DOCK11: variants seen among roughly 807,000 people sequenced by gnomAD.
DOCK11 encodes the protein dedicator of cytokinesis protein 11.
A neutral mutation model predicts 169.1 loss-of-function variants in DOCK11; 70 were observed. The ratio of observed to expected loss-of-function variants is 0.41; its 90% confidence interval spans 0.34 to 0.51. The LOEUF is 0.51. DOCK11 is among the 20% of genes least tolerant of loss of function. The probability of loss-of-function intolerance (pLI) is 0.10; values close to 1 mark genes in which losing one functional copy is unlikely to be tolerated. For missense variants in DOCK11, 1,166 were observed against 1,538.8 expected (o/e 0.76, Z 4.05); for synonymous variants, 529 against 541.3 (o/e 0.98, Z 0.32).
At chrX:118,624,714 T>C in intron 32 of DOCK11, 59 bp downstream of exon 32, 1 of 803,100 alleles carries the variant, frequency 1.2e-6, no homozygotes, top group Non-Finnish European at 1.8e-6. Flanking sequence ...GCATTTGGAA[T>C]TGGGGTCATA....
In DOCK11 at chrX:118,685,830, A is replaced by G. The variant is rs1320037225; in HGVS notation, c.*23A>G. 5.0e-6 allele frequency: 6 copies of G among 1,204,621 alleles called. No homozygotes were observed. The highest frequency in any genetic ancestry group is 6.7e-6 in the Non-Finnish European group (6 of 892,064). ...TGAGGAAATGCAGATGTACGTGACA[A>G]TGAGACTGACCTTTCTCAGGAATAT... On this transcript the variant is annotated 3_prime_UTR_variant, in exon 53 of 53. Coordinates refer to ENST00000276202, the MANE Select transcript of DOCK11 (RefSeq NM_144658.4).
At chrX:118,632,062 C>T (rs1004169457) in intron 35 of DOCK11, among the ~76,000 whole-genome samples, 2 of 111,433 alleles carry the variant, frequency 1.8e-5, no homozygotes, top group Non-Finnish European at 3.8e-5. Flanking sequence ...TCAAGTGATT[C>T]TCCTGTTTCA....
chrX:118,647,070 T>C (rs934796649), intron 40 of DOCK11, among the ~76,000 whole-genome samples: 5 of 109,562 alleles, frequency 4.6e-5, no homozygotes, highest in African/African-American at 1.7e-4. Flanking sequence ...CTTTTGATAA[T>C]TAGTCACTTT....
chrX:118,662,079 G>A (rs2016228616), intron 44 of DOCK11, among the ~76,000 whole-genome samples: 1 of 112,006 alleles, frequency 8.9e-6, no homozygotes, highest in Non-Finnish European at 1.9e-5. Context: ...TAGTCCCAGG[G>A]AGATAAACAT....
At chrX:118,524,447 G>A (rs1369574334) in intron 1 of DOCK11, among the ~76,000 whole-genome samples, 1 of 111,193 alleles carries the variant, frequency 9.0e-6, no homozygotes, top group Non-Finnish European at 1.9e-5. Flanking sequence ...GAGTAAAAAG[G>A]CAACCCACAG....
chrX:118,588,637 A>G (rs1167819733), intron 18 of DOCK11, among the ~76,000 whole-genome samples, 159 bp downstream of exon 18: 1 of 112,710 alleles, frequency 8.9e-6, no homozygotes, highest in Non-Finnish European at 1.9e-5. Flanking sequence ...CATATTAACT[A>G]TAAGGCTTAG....
intron 19 of DOCK11, among the ~76,000 whole-genome samples, chrX:118,591,809 A>T (rs5910386): frequency 8.3e-4 from 24 of 29,013 alleles, no homozygotes; most frequent in Non-Finnish European, 1.1e-3. Context: ...CAGTCCCCAG[A>T]GTGTGATGTT....
At chrX:118,556,217 G>C (rs2012688505) in intron 6 of DOCK11, among the ~76,000 whole-genome samples, 1 of 106,833 alleles carries the variant, frequency 9.4e-6, no homozygotes, top group Non-Finnish European at 1.9e-5. Flanking sequence ...GCTAATTTTT[G>C]TATTTTTAGC....
At chrX:118,642,118 C>T (rs148158448) in intron 39 of DOCK11, among the ~76,000 whole-genome samples, 59 of 111,760 alleles carry the variant, frequency 5.3e-4, no homozygotes, top group African/African-American at 1.8e-3. Context: ...TAGGTTTGTT[C>T]TATATTAAAA....
At chrX:118,669,667 G>A (rs2016421927) in intron 45 of DOCK11, among the ~76,000 whole-genome samples, 1 of 112,355 alleles carries the variant, frequency 8.9e-6, no homozygotes, top group Non-Finnish European at 1.9e-5. Context: ...CGCATTCTGA[G>A]TACACAGAAA....
At chrX:118,503,534 T>C (rs1307036564) in intron 1 of DOCK11, among the ~76,000 whole-genome samples, 2 of 111,249 alleles carry the variant, frequency 1.8e-5, no homozygotes, top group Non-Finnish European at 1.9e-5. Context: ...TTTCTCAGCT[T>C]GTGTGAACTG....
intron 40 of DOCK11, among the ~76,000 whole-genome samples, chrX:118,647,053 C>T (rs1236898135): frequency 9.1e-6 from 1 of 109,856 alleles, no homozygotes; most frequent in Non-Finnish European, 1.9e-5. Flanking sequence ...GAACAGGCCA[C>T]TTGTCTCTTT....
At chrX:118,606,983 T>G (rs1345580365) in intron 24 of DOCK11, among the ~76,000 whole-genome samples, 1 of 110,213 alleles carries the variant, frequency 9.1e-6, no homozygotes, top group East Asian at 2.8e-4. Context: ...TCTCCCTTCC[T>G]TTTCCCCGTT....
intron 51 of DOCK11, 68 bp downstream of exon 51, chrX:118,681,862 A>G (rs915080049): frequency 4.7e-5 from 40 of 858,534 alleles, no homozygotes; most frequent in Middle Eastern, 6.7e-4. Flanking sequence ...TTAAAAAACA[A>G]CAAAGTATTG....
At chrX:118,658,186 C>T (rs959017114) in intron 44 of DOCK11, among the ~76,000 whole-genome samples, 2 of 111,989 alleles carry the variant, frequency 1.8e-5, no homozygotes, top group African/African-American at 6.5e-5. Flanking sequence ...ATTAAGTGCC[C>T]TTTGATAATG....
intron 12 of DOCK11, among the ~76,000 whole-genome samples, chrX:118,578,005 G>A (rs774736227): frequency 1.8e-5 from 2 of 112,178 alleles, no homozygotes; most frequent in South Asian, 3.7e-4. Context: ...TAAGTAAAGT[G>A]TATGGGGACA....
At chrX:118,577,691 C>A (rs1178785190) in intron 12 of DOCK11, among the ~76,000 whole-genome samples, 1 of 111,747 alleles carries the variant, frequency 8.9e-6, no homozygotes. Flanking sequence ...GCCCTGTCTA[C>A]CTCCAAGGGT....
intron 10 of DOCK11, among the ~76,000 whole-genome samples, chrX:118,570,566 G>A (rs1440329434): frequency 1.8e-5 from 2 of 112,214 alleles, no homozygotes; most frequent in Non-Finnish European, 3.8e-5. Flanking sequence ...GCCCTTTTAA[G>A]GAGGTTTCAG....
At chrX:118,639,355 A>AT (rs1349250709) in intron 37 of DOCK11, 80 bp from the exon 38 acceptor site, 30 of 1,070,767 alleles carry the variant, frequency 2.8e-5, no homozygotes, top group Middle Eastern at 2.9e-4. Flanking sequence ...TGGAAACCTA[A>AT]TTTTTTTTAG....
Sources: gnomAD v4.1 joint callset for allele counts (sites outside exome capture counted in the v4.1 genomes callset) on GRCh38, gnomAD v4.1.1 for gene constraint, MANE v1.5 for transcripts, NCBI Gene and HGNC (gene_info 2026-07-23, HGNC 2026-07-21) for gene names.